Variants in CLDN14 observed in about 807,000 individuals in gnomAD.
The protein encoded by CLDN14 is claudin 14, also known as claudin-14.
Under a neutral mutation model 2.1 loss-of-function variants are expected in CLDN14, and 2 were observed. That is an observed-to-expected ratio of 0.96 (90% confidence interval 0.39 to 3.01). The LOEUF (loss-of-function observed/expected upper bound fraction) is 3.01. Ranked by LOEUF, CLDN14 falls within the 30% of genes most tolerant of loss-of-function variation. The pLI, the probability that CLDN14 is intolerant of heterozygous loss-of-function variation, is 0.09. For missense variants in CLDN14, 298 were observed against 328.0 expected (o/e 0.91, Z 0.71); for synonymous variants, 136 against 154.4 (o/e 0.88, Z 0.88).
intron 1 of CLDN14, among the ~76,000 whole-genome samples, chr21:36,554,522 T>A (rs540686111): frequency 7.9e-5 from 12 of 152,284 alleles, no homozygotes; most frequent in African/African-American, 2.9e-4. Context: ...GAGTGTTTCA[T>A]TCACTTATTC....
rs1454404647 is a variant in CLDN14, at chr21:36,544,695, G to A, written c.-220+31716C>T. 1.3e-5 allele frequency among the ~76,000 whole-genome samples: 2 copies of A among 152,136 alleles called. No homozygotes were observed. The highest frequency in any genetic ancestry group is 4.8e-5 in the African/African-American group (2 of 41,432). On this transcript the variant is annotated intron_variant, in intron 1 of 2. Coordinates refer to the CLDN14 transcript ENST00000342108. The surrounding 1 kb of genome is among the most constrained non-coding windows in gnomAD (Gnocchi z 4.1). ...CTTTACACCTCCTTCCTGCTGACCC[G>A]ACTGCAAATCAGCTTTTGATGGGAT...
chr21:36,465,113 C>G (rs973392249), intron 1 of CLDN14, among the ~76,000 whole-genome samples: 2 of 152,188 alleles, frequency 1.3e-5, no homozygotes, highest in African/African-American at 2.4e-5. Flanking sequence ...ACCAGAGGCT[C>G]CTCCAGGTGC....
intron 1 of CLDN14, among the ~76,000 whole-genome samples, chr21:36,466,792 A>G (rs989695804): frequency 8.2e-4 from 125 of 152,220 alleles, no homozygotes; most frequent in African/African-American, 2.9e-3. Context: ...GTCTCGTTTG[A>G]GACAAGGCAA....
At chr21:36,553,714 TACA>T (rs1386258685) in intron 1 of CLDN14, among the ~76,000 whole-genome samples, 9 of 151,918 alleles carry the variant, frequency 5.9e-5, no homozygotes, top group Admixed American at 2.6e-4. Flanking sequence ...AAGGACCTGC[TACA>T]GTCAGCAGGA....
chr21:36,543,750 T>G (rs527976161), intron 1 of CLDN14, among the ~76,000 whole-genome samples: 8 of 152,242 alleles, frequency 5.3e-5, no homozygotes, highest in African/African-American at 1.9e-4. Flanking sequence ...AGGACCCCAC[T>G]CTGAAATACT....
At chr21:36,555,054 A>T (rs1568880225) in intron 1 of CLDN14, among the ~76,000 whole-genome samples, 1 of 152,264 alleles carries the variant, frequency 6.6e-6, no homozygotes, top group Non-Finnish European at 1.5e-5. Context: ...CCCTGGGCTA[A>T]CCAGAGGCCT....
Position 36,461,490 on chromosome 21 carries a change from G to T in CLDN14, c.206C>A (p.Ser69Tyr). The T allele has an allele frequency of 1.2e-6, 2 of 1,613,462 alleles. No individual in the cohort carries two copies. The highest frequency in any genetic ancestry group is 1.7e-6 in the Non-Finnish European group (2 of 1,180,018). Residue 69 changes from serine to tyrosine, a missense_variant, in exon 2 of 2, where the codon TCC becomes TAC. Ser to Tyr is a moderately radical substitution (Grantham distance 144). Coordinates refer to ENST00000399135, the MANE Select transcript of CLDN14 (RefSeq NM_001146079.2). ...TGIYQCQIYR[S>Y]LLALPQDLQA... is the part of the protein sequence containing the mutation. ...GAGGTCTTGGGGCAGCGCCAGCAGG[G>T]ATCGGTAGATCTGGCACTGGTAGAT... is the stretch of plus-strand genomic sequence containing the variant.
At chr21:36,463,787 G>C (rs912110931) in intron 1 of CLDN14, among the ~76,000 whole-genome samples, 2 of 152,146 alleles carry the variant, frequency 1.3e-5, no homozygotes, top group Non-Finnish European at 2.9e-5. Context: ...CACTTGGTAA[G>C]TAAATAATTA....
At chr21:36,491,158 C>G (rs1029191022) in intron 2 of CLDN14, among the ~76,000 whole-genome samples, 2 of 152,150 alleles carry the variant, frequency 1.3e-5, no homozygotes, top group Non-Finnish European at 2.9e-5. Context: ...ACCCTCACCC[C>G]AGCAAACTAA....
At chr21:36,491,774 C>T (rs775966241) in intron 2 of CLDN14, among the ~76,000 whole-genome samples, 2 of 152,100 alleles carry the variant, frequency 1.3e-5, no homozygotes, top group Non-Finnish European at 1.5e-5. Context: ...TGAGGCTGTA[C>T]AGCTTTCCCA....
At position 36,498,887 on chromosome 21, in the gene CLDN14, T is replaced by C. The variant is rs371833138; in HGVS notation, c.-82+11476A>G. 5.3e-5 allele frequency among the ~76,000 whole-genome samples: 8 copies of C among 151,594 alleles called. No homozygotes were observed. In the South Asian group the frequency reaches 1.7e-3, roughly 32 times the overall value. On this transcript the variant is annotated intron_variant, in intron 2 of 2. Coordinates refer to the CLDN14 transcript ENST00000342108. The surrounding 1 kb of genome is among the most constrained non-coding windows in gnomAD (Gnocchi z 4.9). ...ACCAAGGCTTGATTCCTGCCTGAGGTGCCAGGAACCTGTCCCTTTCTTCTA... is the reference window on the plus strand; with the variant it reads ...ACCAAGGCTTGATTCCTGCCTGAGGCGCCAGGAACCTGTCCCTTTCTTCTA...
At chr21:36,522,796 T>C (rs540446133) in intron 1 of CLDN14, among the ~76,000 whole-genome samples, 1 of 151,430 alleles carries the variant, frequency 6.6e-6, no homozygotes, top group South Asian at 2.1e-4. Context: ...CAAGATGACT[T>C]CTTCCCATTC....
chr21:36,570,688 A>G (rs2087703395), intron 1 of CLDN14, among the ~76,000 whole-genome samples: 1 of 152,214 alleles, frequency 6.6e-6, no homozygotes. Flanking sequence ...AAAACTACAA[A>G]TAATTATTTA....
chr21:36,554,622 A>G (rs1415915138), intron 1 of CLDN14, among the ~76,000 whole-genome samples: 1 of 152,180 alleles, frequency 6.6e-6, no homozygotes, highest in Non-Finnish European at 1.5e-5. Flanking sequence ...AAGCTTGCCC[A>G]GAGTCACACA....
intron 1 of CLDN14, among the ~76,000 whole-genome samples, chr21:36,549,979 A>T (rs2087552408): frequency 6.6e-6 from 1 of 152,210 alleles, no homozygotes. Flanking sequence ...GAGGATAGAC[A>T]CTGCACCTGC....
intron 2 of CLDN14, among the ~76,000 whole-genome samples, chr21:36,489,231 C>T (rs1017084007): frequency 7.0e-6 from 1 of 142,754 alleles, no homozygotes; most frequent in Non-Finnish European, 1.5e-5. Context: ...AGAGAGAGAA[C>T]ATCCAAAACT....
intron 1 of CLDN14, among the ~76,000 whole-genome samples, chr21:36,541,954 T>C (rs2087492388): frequency 6.6e-6 from 1 of 152,156 alleles, no homozygotes; most frequent in Non-Finnish European, 1.5e-5. Flanking sequence ...TGGAGTTGGC[T>C]GTAGACTTTC....
chr21:36,521,514 C>T (rs2087270423), intron 1 of CLDN14, among the ~76,000 whole-genome samples: 1 of 152,286 alleles, frequency 6.6e-6, no homozygotes, highest in Non-Finnish European at 1.5e-5. Context: ...TCTGAATGTT[C>T]CCATGGCAAA....
chr21:36,513,910 C>T lies in CLDN14; in HGVS notation c.-219-3410G>A, dbSNP rs529904671. On this transcript the variant is annotated intron_variant, in intron 1 of 2. Coordinates refer to the CLDN14 transcript ENST00000342108. ...GCAGTGGCACGACCTCCGCTCGCTG[C>T]AGCCTTGACCTCCCGGGCTCAAGCA... Among the ~76,000 whole-genome samples, 5 of 152,314 alleles carry T rather than the reference C, an allele frequency of 3.3e-5. No homozygotes were observed. The South Asian group carries it at 8.3e-4, about 25-fold the overall frequency.
Sources: gnomAD v4.1 joint callset for allele counts (sites outside exome capture counted in the v4.1 genomes callset) on GRCh38, gnomAD v4.1.1 for gene constraint, Gnocchi (gnomAD v3.1) non-coding constraint, MANE v1.5 for transcripts, NCBI Gene and HGNC (gene_info 2026-07-23, HGNC 2026-07-21) for gene names.